The following FARP2 variants were observed in gnomAD, a reference collection of about 807,000 sequenced individuals.
FARP2 encodes FERM, ARH/RhoGEF and pleckstrin domain protein 2.
A neutral mutation model predicts 130.5 loss-of-function variants in FARP2; 111 were observed. The ratio of observed to expected loss-of-function variants is 0.85; its 90% CI spans 0.73 to 1.00. The LOEUF (loss-of-function observed/expected upper bound fraction) is 1.00, where lower values mean the gene tolerates loss of function less well. Ranked by LOEUF, FARP2 falls within the 50% of genes least tolerant of loss-of-function variation. The probability of loss-of-function intolerance (pLI) is 0.00; values close to 1 mark genes in which losing one functional copy is unlikely to be tolerated. For synonymous variants in FARP2, 504 were observed against 516.9 expected (o/e 0.98, Z 0.34); for missense variants, 1,385 against 1,346.3 (o/e 1.03, Z -0.45).
chr2:241,424,975 A>G (rs773758933), intron 8 of FARP2, among the ~76,000 whole-genome samples: 31 of 152,190 alleles, frequency 2.0e-4, no homozygotes, highest in African/African-American at 4.8e-4. Flanking sequence ...TCGGAGGCCA[A>G]TGGGGGCAGA....
intron 2 of FARP2, among the ~76,000 whole-genome samples, chr2:241,401,546 T>C (rs1313855106): frequency 3.9e-5 from 6 of 152,136 alleles, no homozygotes; most frequent in African/African-American, 1.4e-4. Flanking sequence ...TTTTTATCTT[T>C]TGTAGAGACA....
At chr2:241,365,227 T>C (rs917779849) in intron 1 of FARP2, among the ~76,000 whole-genome samples, 1 of 152,240 alleles carries the variant, frequency 6.6e-6, no homozygotes, top group African/African-American at 2.4e-5. Context: ...TCAAAGCCCA[T>C]GTATACAGCA....
intron 2 of FARP2, among the ~76,000 whole-genome samples, chr2:241,401,681 CTA>C (rs1369760696): frequency 2.7e-5 from 4 of 150,212 alleles, no homozygotes; most frequent in Non-Finnish European, 5.9e-5. Flanking sequence ...CTTAATTAAA[CTA>C]TGTGTTGTAG....
intron 5 of FARP2, among the ~76,000 whole-genome samples, chr2:241,409,018 GAGAT>G (rs1261348428): frequency 6.4e-5 from 9 of 141,588 alleles, no homozygotes; most frequent in Non-Finnish European, 9.2e-5. Flanking sequence ...CTTTTAAATA[GAGAT>G]AGATAGATAG....
chr2:241,358,195 A>AT (rs1324482240), intron 1 of FARP2, among the ~76,000 whole-genome samples: 1 of 152,254 alleles, frequency 6.6e-6, no homozygotes, highest in Non-Finnish European at 1.5e-5. Context: ...TCTCAAAAAA[A>AT]TAAAAAAATA....
At chr2:241,387,999 A>AAGT (rs2061828416) in intron 2 of FARP2, among the ~76,000 whole-genome samples, 1 of 152,190 alleles carries the variant, frequency 6.6e-6, no homozygotes, top group Non-Finnish European at 1.5e-5. Flanking sequence ...CAATACTCTC[A>AAGT]AACTGCTCTA....
intron 13 of FARP2, among the ~76,000 whole-genome samples, chr2:241,449,015 G>A (rs3771575): frequency 4.6e-4 from 70 of 152,254 alleles, no homozygotes; most frequent in East Asian, 2.7e-3. Context: ...TCTATCTCCC[G>A]CTTGTATTCT....
At chr2:241,366,588 T>C (rs1175181889) in intron 1 of FARP2, among the ~76,000 whole-genome samples, 2 of 152,084 alleles carry the variant, frequency 1.3e-5, no homozygotes, top group East Asian at 3.8e-4. Flanking sequence ...ATCTTCCTTT[T>C]CTTGCACACA....
At chr2:241,472,486 G>C (rs1051533185) in intron 18 of FARP2, among the ~76,000 whole-genome samples, 2 of 148,214 alleles carry the variant, frequency 1.3e-5, no homozygotes, top group African/African-American at 5.0e-5. Flanking sequence ...GTTTTATGGT[G>C]TTCTGTGGGG....
rs1471116156 is a variant in FARP2 at position 241,466,619 on chromosome 2, C to G, written c.1894-1521C>G. ...GACATCTGAGCCCAGCTTCCTGCATCCCCACCTGGCCCTCACCACCCCTCA... is the reference window on the plus strand; with the variant it reads ...GACATCTGAGCCCAGCTTCCTGCATGCCCACCTGGCCCTCACCACCCCTCA... On this transcript the variant is annotated intron_variant, in intron 17 of 26. Coordinates refer to ENST00000264042, the MANE Select transcript of FARP2 (RefSeq NM_014808.4). The G allele has an allele frequency of 5.1e-6, 5 of 985,020 alleles. No individual in the cohort carries two copies. The African/African-American group carries it at 7.0e-5, about 14-fold the overall frequency. The allele number at this position is 985,020 out of a possible 1,614,324, so 61.0% of individuals were successfully genotyped here.
chr2:241,431,616 A>C, intron 8 of FARP2, 63 bp from the exon 9 acceptor site: 1 of 812,496 alleles, frequency 1.2e-6, no homozygotes, highest in South Asian at 1.5e-5. Flanking sequence ...AGCATTCCCT[A>C]TTTCATGAGA....
At chr2:241,365,479 G>C (rs1449095515) in intron 1 of FARP2, among the ~76,000 whole-genome samples, 1 of 152,084 alleles carries the variant, frequency 6.6e-6, no homozygotes, top group East Asian at 1.9e-4. Flanking sequence ...GTATTTCTCT[G>C]ATCTGTAAAT....
At chr2:241,487,277 A>ACAACAAGGCG (rs1559813896) in intron 21 of FARP2, among the ~76,000 whole-genome samples, 1 of 152,172 alleles carries the variant, frequency 6.6e-6, no homozygotes, top group East Asian at 1.9e-4. Context: ...GGAACCCAGC[A>ACAACAAGGCG]AATGCTTGTT....
At chr2:241,386,408 A>G (rs1580908) in intron 2 of FARP2, among the ~76,000 whole-genome samples, 120,795 of 152,096 alleles carry the variant, frequency 0.79, 48,145 homozygotes, top group East Asian at 0.95. Flanking sequence ...TCAGCAGTGG[A>G]TTTTGAGAAA....
At chr2:241,371,053 C>G (rs1420367201) in intron 1 of FARP2, among the ~76,000 whole-genome samples, 1 of 152,126 alleles carries the variant, frequency 6.6e-6, no homozygotes. Context: ...GGATTTAGCT[C>G]TTCATTTTTT....
At chr2:241,428,017 T>C (rs993130764) in intron 8 of FARP2, among the ~76,000 whole-genome samples, 75 of 152,014 alleles carry the variant, frequency 4.9e-4, no homozygotes, top group African/African-American at 1.5e-3. Flanking sequence ...CCGCCCGCCT[T>C]GGCCTCCCAA....
At chr2:241,425,584 G>T (rs1208268302) in intron 8 of FARP2, among the ~76,000 whole-genome samples, 1 of 128,082 alleles carries the variant, frequency 7.8e-6, no homozygotes, top group African/African-American at 3.0e-5. Flanking sequence ...TTGAATCCCT[G>T]AATAGACTAG....
chr2:241,361,701 G>A (rs184501545), intron 1 of FARP2, among the ~76,000 whole-genome samples: 135 of 152,224 alleles, frequency 8.9e-4, no homozygotes, highest in Admixed American at 1.5e-3. Flanking sequence ...CTGCTTTAGT[G>A]GGGGTAGTTT....
At chr2:241,445,814 A>T (rs950438506) in intron 13 of FARP2, 1 of 152,272 alleles carries the variant, frequency 6.6e-6, no homozygotes, top group Non-Finnish European at 1.5e-5. Context: ...AAAGCCGCAC[A>T]GTTGTCATCC....
Sources: allele counts gnomAD v4.1 joint callset (sites outside exome capture counted in the v4.1 genomes callset), GRCh38; gene constraint gnomAD v4.1.1; transcripts MANE v1.5; gene names NCBI Gene and HGNC (gene_info 2026-07-23, HGNC 2026-07-21).